HECW2: variants seen among roughly 807,000 people sequenced by gnomAD.
The protein encoded by HECW2 is HECT, C2 and WW domain containing E3 ubiquitin protein ligase 2.
In HECW2, 61 loss-of-function variants were observed where a neutral mutation model predicts 175.2. That is an observed-to-expected ratio of 0.35 (90% CI 0.28 to 0.43). HECW2 has a LOEUF of 0.43. Ranked by LOEUF, HECW2 falls within the 20% of genes least tolerant of loss-of-function variation. The pLI, the probability that HECW2 is intolerant of heterozygous loss-of-function variation, is 1.00. For missense variants in HECW2, 1,524 were observed against 2,000.5 expected (o/e 0.76, Z 4.54); for synonymous variants, 671 against 731.0 (o/e 0.92, Z 1.32).
rs200798997 is a variant in HECW2, at chr2:196,334,462, T to A, written c.457A>T (p.Thr153Ser). The A allele has an allele frequency of 1.2e-5, 20 of 1,610,366 alleles. No individual in the cohort carries two copies. The Admixed American group carries it at 2.9e-4, about 23-fold the overall frequency. Reference protein sequence around the residue: ...YHGISGALRATTPCITVKNPA... With the variant: ...YHGISGALRASTPCITVKNPA... ...TTCTTCACGGTGATGCAGGGGGTCG[T>A]GGCTCGCAGGGCTCCACTAATGCCG... The change falls in exon 4 of 29, where the codon ACG becomes TCG. Residue 153 changes from threonine (T) to serine (S), a missense_variant. Thr to Ser is a moderately conservative substitution (Grantham distance 58). Around this residue, in one of 11 missense-constraint regions of HECW2, gnomAD observed 135 missense variants for 214.6 expected, o/e 0.63. Transcript: ENST00000644978.
At chr2:196,326,554 A>AT (rs1214787026) in intron 5 of HECW2, among the ~76,000 whole-genome samples, 10 of 151,252 alleles carry the variant, frequency 6.6e-5, no homozygotes, top group Admixed American at 6.6e-4. Context: ...GGTGATTCTC[A>AT]TACCTCAGCC....
intron 17 of HECW2, among the ~76,000 whole-genome samples, chr2:196,270,578 C>A (rs1430328252): frequency 1.3e-5 from 2 of 152,130 alleles, no homozygotes; most frequent in Non-Finnish European, 2.9e-5. Flanking sequence ...AAGTTACACT[C>A]AAAAAGTTAT....
At chr2:196,520,037 C>T (rs1174771797) in intron 1 of HECW2, among the ~76,000 whole-genome samples, 2 of 152,150 alleles carry the variant, frequency 1.3e-5, no homozygotes, top group East Asian at 3.8e-4. Flanking sequence ...TGATACAAAA[C>T]TCTAGTGACT....
At chr2:196,419,734 C>T (rs1166597189) in intron 2 of HECW2, among the ~76,000 whole-genome samples, 1 of 152,112 alleles carries the variant, frequency 6.6e-6, no homozygotes, top group African/African-American at 2.4e-5. Flanking sequence ...CCTGGCTACT[C>T]GCGTATCACA....
At chr2:196,481,919 T>A (rs938247976) in intron 1 of HECW2, among the ~76,000 whole-genome samples, 3 of 152,170 alleles carry the variant, frequency 2.0e-5, no homozygotes, top group Non-Finnish European at 4.4e-5. Flanking sequence ...TCCCATCCCA[T>A]GGAAAGAACT....
intron 1 of HECW2, among the ~76,000 whole-genome samples, chr2:196,577,110 G>A (rs890076321): frequency 6.6e-6 from 1 of 152,058 alleles, no homozygotes; most frequent in Non-Finnish European, 1.5e-5. Flanking sequence ...AACTTATTAG[G>A]GACATATTTG....
chr2:196,546,820 CAAAA>C (rs35116760), intron 1 of HECW2, among the ~76,000 whole-genome samples: 1 of 106,414 alleles, frequency 9.4e-6, no homozygotes, highest in Non-Finnish European at 2.0e-5. Flanking sequence ...AGAAGGACAG[CAAAA>C]AAAAAAAAAA....
At chr2:196,481,762 T>C (rs60652076) in intron 1 of HECW2, among the ~76,000 whole-genome samples, 16,090 of 146,844 alleles carry the variant, frequency 0.11, 1,311 homozygotes, top group African/African-American at 0.25. Context: ...AGCTAAGCTA[T>C]ATGGAAGACA....
intron 4 of HECW2, among the ~76,000 whole-genome samples, chr2:196,333,543 A>C (rs1692444187): frequency 6.6e-6 from 1 of 152,154 alleles, no homozygotes; most frequent in Admixed American, 6.5e-5. Context: ...AATGTTGTAA[A>C]GATTCTATGT....
intron 17 of HECW2, among the ~76,000 whole-genome samples, chr2:196,264,777 T>C (rs1349637312): frequency 6.6e-6 from 1 of 152,208 alleles, no homozygotes; most frequent in East Asian, 1.9e-4. Context: ...TTCAAAAGCA[T>C]ATGCAGATCT....
intron 1 of HECW2, among the ~76,000 whole-genome samples, chr2:196,504,991 T>C (rs1369810588): frequency 6.6e-6 from 1 of 152,164 alleles, no homozygotes; most frequent in Non-Finnish European, 1.5e-5. Flanking sequence ...TCTGTAAAAC[T>C]ATTAATACAA....
At chr2:196,449,204 T>C (rs1476508051) in intron 1 of HECW2, among the ~76,000 whole-genome samples, 3 of 151,832 alleles carry the variant, frequency 2.0e-5, no homozygotes, top group Admixed American at 6.6e-5. Flanking sequence ...CAGTACATTA[T>C]GCACAGAACT....
chr2:196,308,066 G>A lies in HECW2; in HGVS notation c.2454C>T (p.Asp818=). ...ALPPNWEARI[D]SHGRIFYVDH... ...CCACGTAGAAGATCCTGCCGTGGCT[G>A]TCAATGCGTGCCTCCCAGTCTAAAT... is the stretch of plus-strand genomic sequence containing the variant. The change falls in exon 11 of 29, where the codon GAC becomes GAT. Residue 818 remains aspartate, a synonymous_variant. Transcript: ENST00000644978. 6.3e-7 allele frequency: 1 copy of A among 1,585,932 alleles called. No homozygotes were observed. Among genetic ancestry groups the A allele is most frequent in the Non-Finnish European group, 8.6e-7 (1 of 1,160,394 alleles).
intron 2 of HECW2, among the ~76,000 whole-genome samples, chr2:196,418,848 A>AC (rs1695330178): frequency 6.6e-6 from 1 of 152,228 alleles, no homozygotes; most frequent in Admixed American, 6.5e-5. Context: ...ATATTTAAAA[A>AC]ATTTTTTCAG....
chr2:196,465,722 C>T (rs1442281961), intron 1 of HECW2, among the ~76,000 whole-genome samples: 1 of 149,734 alleles, frequency 6.7e-6, no homozygotes, highest in East Asian at 2.0e-4. Context: ...CCGTTCTGGA[C>T]ACGTATTTGC....
At chr2:196,436,996 C>G (rs1287916262) in intron 1 of HECW2, among the ~76,000 whole-genome samples, 4 of 152,084 alleles carry the variant, frequency 2.6e-5, no homozygotes, top group African/African-American at 9.7e-5. Flanking sequence ...ACTTTCACAT[C>G]AGGTATCTCG....
chr2:196,364,195 C>T (rs571469820), intron 2 of HECW2, among the ~76,000 whole-genome samples: 1 of 152,328 alleles, frequency 6.6e-6, no homozygotes, highest in South Asian at 2.1e-4. Context: ...TACCACTTTA[C>T]CTGCGCTCTA....
chr2:196,364,657 A>C (rs1693695215), intron 2 of HECW2, among the ~76,000 whole-genome samples: 1 of 152,240 alleles, frequency 6.6e-6, no homozygotes, highest in Non-Finnish European at 1.5e-5. Flanking sequence ...ATGATATCAT[A>C]TGGTGCTAGG....
Position 196,278,675 on chromosome 2 carries a change from AC to A in HECW2, c.3001-14del, listed in dbSNP as rs1439188912. On this transcript the variant is annotated splice_polypyrimidine_tract_variant and intron_variant, in intron 14 of 28. Coordinates refer to ENST00000644978, the MANE Select transcript of HECW2 (RefSeq NM_001348768.2). ...CCACAAAGAATGCCTAGGATACAAT[AC>A]ACTGAGTCAAATACATGCCGCTCAC... 2 of 1,613,800 alleles carry A rather than the reference AC, an allele frequency of 1.2e-6. No homozygotes were observed. Among genetic ancestry groups the A allele is most frequent in the East Asian group, 2.2e-5 (1 of 44,880 alleles).
Sources: gnomAD v4.1 joint callset for allele counts (sites outside exome capture counted in the v4.1 genomes callset) on GRCh38, gnomAD v4.1.1 for gene constraint, gnomAD v4.1.1 regional missense constraint, MANE v1.5 for transcripts, NCBI Gene and HGNC (gene_info 2026-07-23, HGNC 2026-07-21) for gene names.